The following CDS1 variants were observed in gnomAD, a reference collection of about 807,000 sequenced individuals.
CDS1 encodes phosphatidate cytidylyltransferase 1.
A neutral mutation model predicts 62.1 loss-of-function variants in CDS1; 41 were observed. The observed-to-expected ratio is 0.66, with a 90% CI of 0.51 to 0.86. CDS1 has a LOEUF of 0.86. Among genes scored for constraint, CDS1 ranks in the 40% least tolerant of loss-of-function variants. The pLI is 0.00. For missense variants in CDS1, 470 were observed against 550.1 expected (o/e 0.85, Z 1.46); for synonymous variants, 185 against 192.6 (o/e 0.96, Z 0.32).
chr4:84,641,153 G>T lies in CDS1; in HGVS notation c.1032+163G>T, dbSNP rs570816076. Among the ~76,000 whole-genome samples the T allele has an allele frequency of 3.3e-5, 5 of 152,182 alleles. No homozygotes were observed. In the South Asian group the frequency reaches 8.3e-4, roughly 25 times the overall value. On this transcript the variant is annotated intron_variant, in intron 10 of 12. Coordinates refer to ENST00000295887, the MANE Select transcript of CDS1 (RefSeq NM_001263.4). ...TGTAGTGGCGTAATCTCAACTTACTGCAACCTTTGCTCAAGTGATTCTTAG... is the reference window on the plus strand; with the variant it reads ...TGTAGTGGCGTAATCTCAACTTACTTCAACCTTTGCTCAAGTGATTCTTAG...
rs577371108 is a variant in CDS1, at chr4:84,638,991, T to C, written c.878T>C (p.Ile293Thr). ...GFFSTVVFGF[I>T]AAYVLSKYQY... The stretch of plus-strand genomic sequence containing the variant: ...TTTTCCACAGTTGTGTTTGGATTCA[T>C]TGTGAGTATTACTAAGATTTTTATT... Residue 293 changes from isoleucine to threonine, a missense_variant and splice_region_variant, in exon 9 of 13, where the codon ATT becomes ACT. This residue lies in a region of CDS1 where 214 missense variants were observed against 242.4 expected (regional missense o/e 0.88). Transcript: ENST00000295887. 11 of 1,518,032 alleles carry C rather than the reference T, an allele frequency of 7.2e-6. No homozygotes were observed. The Middle Eastern group carries it at 5.3e-4, about 73-fold the overall frequency. The allele number at this position is 1,518,032 out of a possible 1,614,324, so 94.0% of individuals were successfully genotyped here.
chr4:84,619,801 G>A (rs903919183), intron 5 of CDS1, among the ~76,000 whole-genome samples: 1 of 151,996 alleles, frequency 6.6e-6, no homozygotes, highest in Non-Finnish European at 1.5e-5. Flanking sequence ...GGAAGGCTGA[G>A]GCAGGTGGAA....
chr4:84,620,553 A>G (rs912885682), intron 5 of CDS1, among the ~76,000 whole-genome samples: 1 of 151,614 alleles, frequency 6.6e-6, no homozygotes, highest in Admixed American at 6.6e-5. Context: ...TTTATAATAT[A>G]TGCAACTGTT....
chr4:84,631,021 A>G (rs1415029715), intron 5 of CDS1, among the ~76,000 whole-genome samples: 3 of 152,166 alleles, frequency 2.0e-5, no homozygotes, highest in African/African-American at 7.2e-5. Flanking sequence ...TTAATAAATT[A>G]TCATTGTAAT....
In CDS1 at chr4:84,649,660, C is replaced by T. The variant is rs893543939; in HGVS notation, c.*974C>T. ...CGTGTCCCCAATGCCTCACTCCTGG[C>T]TTCTAGTGCAGCCCTTTGTAGACTC... is the stretch of plus-strand genomic sequence containing the variant. On this transcript the variant is annotated 3_prime_UTR_variant, in exon 13 of 13. Coordinates refer to ENST00000295887, the MANE Select transcript of CDS1 (RefSeq NM_001263.4). 1.7e-4 allele frequency: 26 copies of T among 152,262 alleles called. No individual in the cohort carries two copies. The highest frequency in any genetic ancestry group is 1.6e-3 in the Admixed American group (25 of 15,282). 9.4% of individuals were successfully genotyped at this position (152,262 alleles called of 1,614,324 possible).
intron 1 of CDS1, among the ~76,000 whole-genome samples, chr4:84,598,496 T>C (rs894030434): frequency 6.6e-6 from 1 of 152,084 alleles, no homozygotes; most frequent in African/African-American, 2.4e-5. Flanking sequence ...ACTCACTTTT[T>C]AAGGGGCCAG....
chr4:84,647,185 C>A (rs534285238), intron 12 of CDS1, among the ~76,000 whole-genome samples: 1 of 152,018 alleles, frequency 6.6e-6, no homozygotes, highest in Non-Finnish European at 1.5e-5. Context: ...AAGCATATAG[C>A]TGATTTTTTT....
In CDS1 at chr4:84,609,448, C is replaced by T. The variant is rs530030554; in HGVS notation, c.265C>T (p.Arg89Cys). The change falls in exon 3 of 13, where the codon CGT becomes TGT. Residue 89 changes from arginine (R) to cysteine (C), a missense_variant. Around this residue, in one of 5 missense-constraint regions of CDS1, gnomAD observed 150 missense variants for 142.0 expected, o/e 1.06. Transcript: ENST00000295887. ...TTGTAGGTGGAAAAACTGGTGGATACGTGGAATTCTCACTCTAACTATGAT... is the reference window on the plus strand; with the variant it reads ...TTGTAGGTGGAAAAACTGGTGGATATGTGGAATTCTCACTCTAACTATGAT... Reference protein sequence around the residue: ...LSSRWKNWWIRGILTLTMISL... With the variant: ...LSSRWKNWWICGILTLTMISL... The T allele has an allele frequency of 7.5e-6, 12 of 1,606,540 alleles. No individual in the cohort carries two copies. Among genetic ancestry groups the T allele is most frequent in the African/African-American group, 2.7e-5 (2 of 74,854 alleles).
At chr4:84,624,351 A>G (rs1268278301) in intron 5 of CDS1, among the ~76,000 whole-genome samples, 3 of 151,270 alleles carry the variant, frequency 2.0e-5, no homozygotes, top group Non-Finnish European at 2.9e-5. Flanking sequence ...ATAAAAATTT[A>G]GACTAGAAAG....
At chr4:84,617,037 GA>G (rs973262143) in intron 3 of CDS1, among the ~76,000 whole-genome samples, 2 of 152,196 alleles carry the variant, frequency 1.3e-5, no homozygotes, top group Admixed American at 1.3e-4. Flanking sequence ...CTGGGAGGAT[GA>G]AAAGGCCATT....
chr4:84,599,405 C>CACACATATATAT (rs1231093037), intron 1 of CDS1, among the ~76,000 whole-genome samples: 6 of 24,692 alleles, frequency 2.4e-4, no homozygotes, highest in African/African-American at 7.6e-4. Flanking sequence ...CACACACACA[C>CACACATATATAT]ATATATATAT....
At position 84,594,701 on chromosome 4, in the gene CDS1, T is replaced by C. The variant is rs368153724; in HGVS notation, c.118-9542T>C. On this transcript the variant is annotated intron_variant, in intron 1 of 12. Transcript: ENST00000295887. ...TTAGTACAATGATCATCAGCATACC[T>C]AGGACTTAACTGTTATTAAGAGATT... 2.6e-5 allele frequency among the ~76,000 whole-genome samples: 4 copies of C among 152,290 alleles called. No individual in the cohort carries two copies. In the South Asian group the frequency reaches 6.2e-4, roughly 24 times the overall value.
At chr4:84,641,446 G>A (rs958009927) in intron 10 of CDS1, among the ~76,000 whole-genome samples, 55 of 152,168 alleles carry the variant, frequency 3.6e-4, no homozygotes, top group Non-Finnish European at 7.4e-4. Context: ...TTAATTCTTT[G>A]ATATACCAGT....
intron 2 of CDS1, among the ~76,000 whole-genome samples, chr4:84,609,160 G>A (rs1205977206): frequency 5.4e-5 from 7 of 129,814 alleles, no homozygotes; most frequent in African/African-American, 1.6e-4. Context: ...GCCTGGGTGC[G>A]ACAGAGCGAG....
At position 84,643,558 on chromosome 4, in the gene CDS1, T is replaced by G. The variant is rs138521188; in HGVS notation, c.1152+415T>G. On this transcript the variant is annotated intron_variant, in intron 11 of 12. Coordinates refer to ENST00000295887, the MANE Select transcript of CDS1 (RefSeq NM_001263.4). Reference sequence around the variant, plus strand: ...TCTGCTAAGTCAGGTGTCATCACACTCTTTCTGTAAAGGGCAAACAATACA... The same window carrying G: ...TCTGCTAAGTCAGGTGTCATCACACGCTTTCTGTAAAGGGCAAACAATACA... Among the ~76,000 whole-genome samples the G allele has an allele frequency of 1.8e-3, 272 of 152,346 alleles. 1 individual carries two copies. The highest frequency in any genetic ancestry group is 6.2e-3 in the African/African-American group (256 of 41,584).
intron 11 of CDS1, among the ~76,000 whole-genome samples, 189 bp downstream of exon 11, chr4:84,643,332 C>G (rs1212691467): frequency 6.6e-6 from 1 of 152,170 alleles, no homozygotes; most frequent in South Asian, 2.1e-4. Context: ...GTTTGTCATA[C>G]CATGTTAATA....
chr4:84,616,560 T>A (rs1456518622), intron 3 of CDS1, among the ~76,000 whole-genome samples: 1 of 152,212 alleles, frequency 6.6e-6, no homozygotes, highest in Non-Finnish European at 1.5e-5. Flanking sequence ...TAATATTTTA[T>A]TTTTAAATAA....
intron 5 of CDS1, among the ~76,000 whole-genome samples, chr4:84,625,263 C>CA (rs1723820768): frequency 6.6e-6 from 1 of 152,178 alleles, no homozygotes; most frequent in Non-Finnish European, 1.5e-5. Context: ...TACTGAAAGT[C>CA]ATCAAAGTCA....
chr4:84,635,613 GCCTGCCTGCCTGCCTT>G (rs1464203878), intron 8 of CDS1, among the ~76,000 whole-genome samples: 29 of 98,296 alleles, frequency 3.0e-4, no homozygotes, highest in Non-Finnish European at 4.1e-4. Context: ...CTGCCTGCCT[GCCTGCCTGCCTGCCTT>G]CCTTCCTTCC....
Sources: allele counts gnomAD v4.1 joint callset (sites outside exome capture counted in the v4.1 genomes callset), GRCh38; gene constraint gnomAD v4.1.1; regional missense constraint gnomAD v4.1.1; transcripts MANE v1.5; gene names NCBI Gene and HGNC (gene_info 2026-07-23, HGNC 2026-07-21).